Variants in KIF21A observed in about 807,000 individuals in gnomAD.
KIF21A encodes the protein kinesin-like protein KIF21A.
KIF21A carries 114 observed loss-of-function variants against 202.9 expected under a neutral mutation model. That is an observed-to-expected ratio of 0.56 (90% CI 0.48 to 0.66). KIF21A has a LOEUF of 0.66. Ranked by LOEUF, KIF21A falls within the 30% of genes least tolerant of loss-of-function variation. The pLI is 0.00. For missense variants in KIF21A, 1,677 were observed against 1,994.9 expected (o/e 0.84, Z 3.04); for synonymous variants, 667 against 670.8 (o/e 0.99, Z 0.09).
chr12:39,414,006 T>G (rs971357179), intron 1 of KIF21A, among the ~76,000 whole-genome samples: 2 of 152,316 alleles, frequency 1.3e-5, no homozygotes, highest in Middle Eastern at 3.4e-3. Context: ...TAGTGAAAGT[T>G]TTGCACCAAC....
intron 1 of KIF21A, among the ~76,000 whole-genome samples, chr12:39,419,535 C>T (rs1276666233): frequency 2.0e-5 from 3 of 152,092 alleles, no homozygotes; most frequent in African/African-American, 4.8e-5. Context: ...CTCGCATTTA[C>T]GTCAAGATAG....
At chr12:39,312,176 G>A (rs578084422) in intron 31 of KIF21A, 2 of 152,098 alleles carry the variant, frequency 1.3e-5, no homozygotes, top group Admixed American at 6.5e-5. Flanking sequence ...ACACAATGGA[G>A]TACTATTTAG....
intron 7 of KIF21A, among the ~76,000 whole-genome samples, chr12:39,358,593 T>C (rs1948971403): frequency 6.6e-6 from 1 of 152,200 alleles, no homozygotes; most frequent in South Asian, 2.1e-4. Flanking sequence ...CTTGAGAAAG[T>C]ATAAGCACAT....
In KIF21A at chr12:39,303,026, A is replaced by C. The variant is rs1429547646; in HGVS notation, c.4670T>G (p.Phe1557Cys). Residue 1557 changes from phenylalanine to cysteine, a missense_variant, in exon 36 of 38, where the codon TTT (phenylalanine) becomes TGT (cysteine). Phe to Cys is a radical substitution (Grantham distance 205). Coordinates refer to ENST00000361418, the MANE Select transcript of KIF21A (RefSeq NM_001173464.2). ...EALTIQGDNLFSGSRDNGIKK... is the reference protein window; with the variant it reads ...EALTIQGDNLCSGSRDNGIKK... ...GATTCCATTATCTCTAGACCCACTA[A>C]ATAGGTTATCCCCTTGAATGGTTAG... The C allele has an allele frequency of 5.6e-6, 9 of 1,614,034 alleles. No individual in the cohort carries two copies. Among genetic ancestry groups the C allele is most frequent in the Non-Finnish European group, 7.6e-6 (9 of 1,179,946 alleles).
chr12:39,364,067 A>G (rs570382757), intron 6 of KIF21A, among the ~76,000 whole-genome samples: 27 of 152,324 alleles, frequency 1.8e-4, no homozygotes, highest in African/African-American at 6.0e-4. Flanking sequence ...CCAATTATTT[A>G]AAAACTAGTC....
chr12:39,312,163 T>G (rs553170912), intron 31 of KIF21A: 1 of 153,144 alleles, frequency 6.5e-6, no homozygotes, highest in South Asian at 2.0e-4. Flanking sequence ...AAAATGTACA[T>G]ACACACAATG....
At chr12:39,417,194 A>G (rs2140161609) in intron 1 of KIF21A, among the ~76,000 whole-genome samples, 1 of 152,302 alleles carries the variant, frequency 6.6e-6, no homozygotes, top group East Asian at 1.9e-4. Context: ...AAAATGTATC[A>G]GAAGACACAG....
At chr12:39,336,663 A>C (rs1312185950) in intron 17 of KIF21A, among the ~76,000 whole-genome samples, 1 of 152,180 alleles carries the variant, frequency 6.6e-6, no homozygotes, top group Non-Finnish European at 1.5e-5. Context: ...AAAGGATACA[A>C]AAATTTTGAT....
In KIF21A at chr12:39,442,208, C is replaced by T. The variant is rs1939736952; in HGVS notation, c.44+719G>A. Among the ~76,000 whole-genome samples the T allele has an allele frequency of 6.6e-6, 1 of 152,054 alleles. No individual in the cohort carries two copies. Among genetic ancestry groups the T allele is most frequent in the African/African-American group, 2.4e-5 (1 of 41,380 alleles). On this transcript the variant is annotated intron_variant, in intron 1 of 37. Coordinates refer to ENST00000361418, the MANE Select transcript of KIF21A (RefSeq NM_001173464.2). This position sits in a 1 kb window ranked among gnomAD's most constrained non-coding sequence, Gnocchi z 5.0. ...CACCCTGCCTAATGTCAGTATGTTT[C>T]ACACAGTCACCCATTTCACCCTTCC...
At chr12:39,333,801 CACTG>C (rs1193742569) in intron 17 of KIF21A, among the ~76,000 whole-genome samples, 1 of 151,862 alleles carries the variant, frequency 6.6e-6, no homozygotes, top group Non-Finnish European at 1.5e-5. Context: ...AATATGTCTG[CACTG>C]ACTATTAATT....
At position 39,351,916 on chromosome 12, in the gene KIF21A, C is replaced by G; in HGVS notation, c.1534G>C (p.Ala512Pro). The G allele has an allele frequency of 6.2e-7, 1 of 1,613,392 alleles. No individual in the cohort carries two copies. The highest frequency in any genetic ancestry group is 1.1e-5 in the South Asian group (1 of 91,038). The part of the protein sequence containing the change: ...NLRKNLTRAT[A>P]RAPYFSGSST... ...GATCCGCTGAAATATGGCGCTCTTG[C>G]TGTGGCTCTTGTCAAGTTTTTTCGA... The change falls in exon 11 of 38, where the codon GCA becomes CCA. Residue 512 changes from alanine to proline, a missense_variant. Ala to Pro is a conservative substitution (Grantham distance 27). Transcript: ENST00000361418.
intron 24 of KIF21A, among the ~76,000 whole-genome samples, chr12:39,329,451 C>T (rs1946296384): frequency 6.7e-6 from 1 of 149,364 alleles, no homozygotes; most frequent in African/African-American, 2.5e-5. Context: ...AGGAGGAGAA[C>T]AAGAAGGAGG....
intron 1 of KIF21A, among the ~76,000 whole-genome samples, chr12:39,425,221 A>C (rs2140279052): frequency 6.6e-6 from 1 of 152,304 alleles, no homozygotes; most frequent in South Asian, 2.1e-4. Flanking sequence ...CATAGTATAT[A>C]TCAATATCTG....
intron 13 of KIF21A, 107 bp from the exon 14 acceptor site, chr12:39,341,729 C>T: frequency 8.4e-7 from 1 of 1,193,440 alleles, no homozygotes; most frequent in Non-Finnish European, 1.2e-6. Flanking sequence ...TAAAAAAATT[C>T]ACTTGTCATC....
intron 1 of KIF21A, among the ~76,000 whole-genome samples, chr12:39,399,497 G>T (rs751985410): frequency 6.6e-6 from 1 of 152,106 alleles, no homozygotes; most frequent in Non-Finnish European, 1.5e-5. Context: ...CACTAAATAT[G>T]CAAAAAGCAC....
intron 1 of KIF21A, among the ~76,000 whole-genome samples, chr12:39,374,408 G>GGATTAACTAAT (rs1950140197): frequency 6.6e-6 from 1 of 151,948 alleles, no homozygotes; most frequent in African/African-American, 2.4e-5. Context: ...CTTAACGTTT[G>GGATTAACTAAT]GATTAACTAA....
intron 37 of KIF21A, 61 bp downstream of exon 37, chr12:39,301,419 A>G (rs1486900770): frequency 3.3e-6 from 4 of 1,228,962 alleles, no homozygotes; most frequent in East Asian, 2.3e-5. Flanking sequence ...TATTTACAAC[A>G]TATTTATTAA....
rs75839870 is a variant in KIF21A at position 39,382,827 on chromosome 12, G to T, written c.45-12566C>A. ...AACAGCATGTGGAGTGAACTTACCTGTCAATGAAATTACCTTTCTAATAAA... is the reference window on the plus strand; with the variant it reads ...AACAGCATGTGGAGTGAACTTACCTTTCAATGAAATTACCTTTCTAATAAA... On this transcript the variant is annotated intron_variant, in intron 1 of 37. Coordinates refer to ENST00000361418, the MANE Select transcript of KIF21A (RefSeq NM_001173464.2). Among the ~76,000 whole-genome samples, 720 of 152,266 alleles carry T rather than the reference G, an allele frequency of 4.7e-3. 4 individuals carry two copies. Among genetic ancestry groups the T allele is most frequent in the African/African-American group, 0.017 (692 of 41,548 alleles).
chr12:39,339,936 A>C (rs1412414054), intron 16 of KIF21A, among the ~76,000 whole-genome samples: 1 of 152,186 alleles, frequency 6.6e-6, no homozygotes, highest in Admixed American at 6.5e-5. Flanking sequence ...ATACCTATCA[A>C]TGTCTAAGAA....
Sources: gnomAD v4.1 joint callset for allele counts (sites outside exome capture counted in the v4.1 genomes callset) on GRCh38, gnomAD v4.1.1 for gene constraint, Gnocchi (gnomAD v3.1) non-coding constraint, MANE v1.5 for transcripts, NCBI Gene and HGNC (gene_info 2026-07-23, HGNC 2026-07-21) for gene names.